TFIP11: variants seen among roughly 807,000 people sequenced by gnomAD.
TFIP11 encodes tuftelin-interacting protein 11.
TFIP11 carries 86 observed loss-of-function variants against 96.8 expected under a neutral mutation model. The ratio of observed to expected loss-of-function variants is 0.89; its 90% confidence interval spans 0.75 to 1.06. The LOEUF (loss-of-function observed/expected upper bound fraction) is 1.06, where lower values mean the gene tolerates loss of function less well. TFIP11 is among the 50% of genes least tolerant of loss of function. TFIP11 has a pLI of 0.00. For missense variants in TFIP11, 881 were observed against 1,076.7 expected (o/e 0.82, Z 2.54); for synonymous variants, 405 against 395.2 (o/e 1.02, Z -0.29).
chr22:26,496,858 G>C lies in TFIP11; in HGVS notation c.1468C>G (p.Arg490Gly), dbSNP rs374892403. ...LIWEVWMPFV[R>G]NIVTQWQPRN... is the part of the protein sequence containing the mutation. ...GGCTGCCACTGGGTGACAATATTTC[G>C]AACAAAAGGCATCCAGACTTCCCAT... Residue 490 changes from arginine to glycine, a missense_variant, in exon 11 of 15, where the codon CGA (arginine) becomes GGA (glycine). Coordinates refer to ENST00000407690, the MANE Select transcript of TFIP11 (RefSeq NM_012143.4). 2.5e-6 allele frequency: 4 copies of C among 1,613,918 alleles called. No homozygotes were observed. Among genetic ancestry groups the C allele is most frequent in the Admixed American group, 3.3e-5 (2 of 60,002 alleles).
At chr22:26,493,428 G>GGGCTTATCTGTAAAACA (rs1292062962) in intron 14 of TFIP11, 1 of 152,282 alleles carries the variant, frequency 6.6e-6, no homozygotes, top group Non-Finnish European at 1.5e-5. Context: ...CAGCCTCGCT[G>GGGCTTATCTGTAAAACA]GGCTTATCTG....
Position 26,499,491 on chromosome 22 carries a change from G to A in TFIP11, c.942C>T (p.Gly314=). The change falls in exon 9 of 15, where the codon GGC becomes GGT. Residue 314 remains glycine, a synonymous_variant. Transcript: ENST00000407690. ...PQSGKEAKAP[G]FALPELEHNL... is the part of the protein sequence containing the mutation. ...TGTGCTCCAGCTCGGGCAGCGCGAA[G>A]CCGGGGGCCTTGGCCTCTTTGCCAG... 1 of 1,614,226 alleles carries A rather than the reference G, an allele frequency of 6.2e-7. No individual in the cohort carries two copies. The highest frequency in any genetic ancestry group is 8.5e-7 in the Non-Finnish European group (1 of 1,180,054).
Position 26,503,732 on chromosome 22 carries a change from T to C in TFIP11, c.582A>G (p.Gly194=). ...GCATGGACTGAGTGGTGCGCTCGGA[T>C]CCATAAGCCCCCACAGCACCTTTTC... ...RKGKGAVGAY[G]SERTTQSMQD... The change falls in exon 7 of 15, where the codon GGA becomes GGG. Residue 194 remains glycine (G), a synonymous_variant. Coordinates refer to ENST00000407690, the MANE Select transcript of TFIP11 (RefSeq NM_012143.4). 6.2e-7 allele frequency: 1 copy of C among 1,613,886 alleles called. No individual in the cohort carries two copies. The highest frequency in any genetic ancestry group is 8.5e-7 in the Non-Finnish European group (1 of 1,179,986).
chr22:26,496,437 C>T, intron 11 of TFIP11, 121 bp from the exon 12 acceptor site: 1 of 1,344,968 alleles, frequency 7.4e-7, no homozygotes, highest in Non-Finnish European at 1.0e-6. Context: ...GGCCCACAGT[C>T]CTTTGTACAT....
At position 26,491,407 on chromosome 22, in the gene TFIP11, A is replaced by G. The variant is rs1279628928; in HGVS notation, c.*606T>C. On this transcript the variant is annotated 3_prime_UTR_variant, in exon 15 of 15. Coordinates refer to ENST00000407690, the MANE Select transcript of TFIP11 (RefSeq NM_012143.4). ...AAGTAAAGTGGAAATTTATCCCAGA[A>G]GAGTGGGGATTACTGTGACTATCTG... is the stretch of plus-strand genomic sequence containing the variant. The G allele has an allele frequency of 3.0e-6, 4 of 1,327,530 alleles. No homozygotes were observed. The highest frequency in any genetic ancestry group is 4.2e-6 in the Non-Finnish European group (4 of 942,120). 82.2% of individuals were successfully genotyped at this position (1,327,530 alleles called of 1,614,324 possible). A position where few individuals can be genotyped will look rare whatever the true frequency, so the allele number is the denominator to read the frequency against.
chr22:26,498,965 T>A lies in TFIP11; in HGVS notation c.1340A>T (p.Tyr447Phe), dbSNP rs754634881. ...CCACTTAGAGATGATCTCGGTGCCA[T>A]AAGTGCAGTCCTGAGGAGAAAGGTG... ...KEWDPLKDCT[Y>F]GTEIISKWKS... Residue 447 changes from tyrosine to phenylalanine, a missense_variant, in exon 10 of 15, where the codon TAT becomes TTT. Transcript: ENST00000407690. 6.2e-7 allele frequency: 1 copy of A among 1,613,418 alleles called. No homozygotes were observed. Among genetic ancestry groups the A allele is most frequent in the South Asian group, 1.1e-5 (1 of 91,022 alleles).
rs372171229 is a variant in TFIP11, at chr22:26,492,417, T to C, written c.2159-49A>G. The C allele has an allele frequency of 3.8e-6, 6 of 1,569,344 alleles. No homozygotes were observed. The African/African-American group carries it at 4.0e-5, about 11-fold the overall frequency. ...GTGAGGAGAGGTGTTTCCAGGTGTA[T>C]GGAAGTTGACACTGTGGCTTGGCCC... is the stretch of plus-strand genomic sequence containing the variant. On this transcript the variant is annotated intron_variant, in intron 14 of 14. Coordinates refer to ENST00000407690, the MANE Select transcript of TFIP11 (RefSeq NM_012143.4).
chr22:26,510,490 C>CCTGT (rs1253069663), intron 3 of TFIP11, 127 bp downstream of exon 3: 1 of 570,322 alleles, frequency 1.8e-6, no homozygotes. Flanking sequence ...AATACTACTC[C>CCTGT]TAACAGTCTA....
rs374019453 is a variant in TFIP11, at chr22:26,499,007, C to T, written c.1330-32G>A. 97 of 1,609,450 alleles carry T rather than the reference C, an allele frequency of 6.0e-5. 1 individual carries two copies. The highest frequency in any genetic ancestry group is 7.7e-5 in the Non-Finnish European group (91 of 1,176,068). ...AGAAAGGTGAGCAGTTGAGGGGCAG[C>T]GGGCTCTCCAGCCCTCCCTGCCCAT... On this transcript the variant is annotated intron_variant, in intron 9 of 14. Transcript: ENST00000407690.
In TFIP11 at chr22:26,495,524, G is replaced by C. The variant is rs910213227; in HGVS notation, c.1849+549C>G. Among the ~76,000 whole-genome samples, 4 of 150,742 alleles carry C rather than the reference G, an allele frequency of 2.7e-5. No individual in the cohort carries two copies. In the East Asian group the frequency reaches 7.8e-4, roughly 29 times the overall value. ...TTTTAAAGGTCAAATTTAAGCTCCC[G>C]ACATAGCGATTCTTAAAATATATAT... On this transcript the variant is annotated intron_variant, in intron 12 of 14. Coordinates refer to ENST00000407690, the MANE Select transcript of TFIP11 (RefSeq NM_012143.4).
Position 26,491,739 on chromosome 22 carries a change from C to T in TFIP11, c.*274G>A. 7.0e-7 allele frequency: 1 copy of T among 1,425,598 alleles called. No homozygotes were observed. The highest frequency in any genetic ancestry group is 9.6e-7 in the Non-Finnish European group (1 of 1,036,574). 88.3% of individuals were successfully genotyped at this position (1,425,598 alleles called of 1,614,324 possible). On this transcript the variant is annotated 3_prime_UTR_variant, in exon 15 of 15. Coordinates refer to ENST00000407690, the MANE Select transcript of TFIP11 (RefSeq NM_012143.4). ...CCACCAGAGACTAAAGGGAAGGCTGCTATGGAGGAACTACAGAGAACTCCT... is the reference window on the plus strand; with the variant it reads ...CCACCAGAGACTAAAGGGAAGGCTGTTATGGAGGAACTACAGAGAACTCCT...
chr22:26,499,725 T>G (rs1922548133), intron 8 of TFIP11, 94 bp from the exon 9 acceptor site: 1 of 1,290,148 alleles, frequency 7.8e-7, no homozygotes, highest in Non-Finnish European at 1.1e-6. Context: ...AGGGGAAGTG[T>G]GTAGAAACCA....
rs968867572 is a variant in TFIP11 at position 26,506,680 on chromosome 22, CA to C, written c.363+94del. ...ACCAAAAGGAGACACTCACGAAATT[CA>C]TTCCAGATGAGTTTCTCCCTGGCTA... is the stretch of plus-strand genomic sequence containing the variant. On this transcript the variant is annotated intron_variant, in intron 5 of 14. Transcript: ENST00000407690. 6.6e-6 allele frequency: 10 copies of C among 1,512,980 alleles called. No homozygotes were observed. In the Admixed American group the frequency reaches 1.8e-4, roughly 28 times the overall value. 93.7% of individuals were successfully genotyped at this position (1,512,980 alleles called of 1,614,324 possible). A position where few individuals can be genotyped will look rare whatever the true frequency, so the allele number is the denominator to read the frequency against.
At chr22:26,511,340 GATTGA>G (rs134142) in intron 2 of TFIP11, 98,822 of 151,306 alleles carry the variant, frequency 0.65, 32,530 homozygotes, top group African/African-American at 0.73. Context: ...TGCCCACACA[GATTGA>G]ATTGAGGGTG....
At position 26,506,287 on chromosome 22, in the gene TFIP11, G is replaced by A. The variant is rs779043110; in HGVS notation, c.520+16C>T. 1.4e-5 allele frequency: 22 copies of A among 1,579,558 alleles called. No individual in the cohort carries two copies. Among genetic ancestry groups the A allele is most frequent in the East Asian group, 9.0e-5 (4 of 44,426 alleles). ...CCTGCCCTCCTCCATCATGCAAGAC[G>A]ACAAAGGTGCAATACCTTGTGCATT... On this transcript the variant is annotated intron_variant, in intron 6 of 14. Coordinates refer to ENST00000407690, the MANE Select transcript of TFIP11 (RefSeq NM_012143.4).
chr22:26,496,821 T>G lies in TFIP11; in HGVS notation c.1505A>C (p.Asp502Ala), dbSNP rs752859873. 1 of 1,614,130 alleles carries G rather than the reference T, an allele frequency of 6.2e-7. No homozygotes were observed. Residue 502 changes from aspartate (D) to alanine (A), a missense_variant, in exon 11 of 15, where the codon GAC (aspartate) becomes GCC (alanine). Asp to Ala is a moderately radical substitution (Grantham distance 126). Coordinates refer to ENST00000407690, the MANE Select transcript of TFIP11 (RefSeq NM_012143.4). Reference protein sequence around the residue: ...IVTQWQPRNCDPMVDFLDSWV... With the variant: ...IVTQWQPRNCAPMVDFLDSWV... Reference sequence around the variant, plus strand: ...ACTATCCAAAAAGTCCACCATCGGGTCACAGTTCCTTGGCTGCCACTGGGT... The same window carrying G: ...ACTATCCAAAAAGTCCACCATCGGGGCACAGTTCCTTGGCTGCCACTGGGT...
In TFIP11 at chr22:26,506,910, C is replaced by T. The variant is rs1222318994; in HGVS notation, c.228G>A (p.Ala76=). Residue 76 remains alanine (A), a synonymous_variant, in exon 5 of 15, where the codon GCG becomes GCA. Coordinates refer to ENST00000407690, the MANE Select transcript of TFIP11 (RefSeq NM_012143.4). ...GCCCTGCGCTGATGAAGTTGACTGG[C>T]GCAGAGTAGTCACGGGCCCTGTAGG... ...FGGKRARDYS[A]PVNFISAGLK... is the part of the protein sequence containing the mutation. 5 of 1,614,032 alleles carry T rather than the reference C, an allele frequency of 3.1e-6. No individual in the cohort carries two copies. The highest frequency in any genetic ancestry group is 2.2e-5 in the East Asian group (1 of 44,894).
intron 10 of TFIP11, 142 bp from the exon 11 acceptor site, chr22:26,497,031 C>T (rs1922155313): frequency 1.0e-6 from 1 of 961,586 alleles, no homozygotes; most frequent in Admixed American, 2.6e-5. Flanking sequence ...AGGCCAGTCA[C>T]CATACTGGCC....
chr22:26,510,239 C>A lies in TFIP11; in HGVS notation c.34G>T (p.Gly12Cys). 1 of 1,614,148 alleles carries A rather than the reference C, an allele frequency of 6.2e-7. No homozygotes were observed. Among genetic ancestry groups the A allele is most frequent in the Non-Finnish European group, 8.5e-7 (1 of 1,180,032 alleles). Reference sequence around the variant, plus strand: ...TCGTCATCATCATCATCAATGCGGCCTTCCCCATCCCGGTATAAGTGGGAC... The same window carrying A: ...TCGTCATCATCATCATCAATGCGGCATTCCCCATCCCGGTATAAGTGGGAC... The part of the protein sequence containing the change: ...SLSHLYRDGE[G>C]RIDDDDDERE... The change falls in exon 4 of 15, where the codon GGC becomes TGC. Residue 12 changes from glycine (G) to cysteine (C), a missense_variant. Transcript: ENST00000407690.
Sources: allele counts gnomAD v4.1 joint callset (sites outside exome capture counted in the v4.1 genomes callset), GRCh38; gene constraint gnomAD v4.1.1; transcripts MANE v1.5; gene names NCBI Gene and HGNC (gene_info 2026-07-23, HGNC 2026-07-21).